The following DGCR2 variants were observed in gnomAD, a reference collection of about 807,000 sequenced individuals.
DGCR2 encodes DiGeorge syndrome critical region gene 2, also known as integral membrane protein DGCR2/IDD.
Under a neutral mutation model 51.6 loss-of-function variants are expected in DGCR2, and 24 were observed. That is an observed-to-expected ratio of 0.47 (90% CI 0.34 to 0.65). The LOEUF (loss-of-function observed/expected upper bound fraction) is 0.65. Ranked by LOEUF, DGCR2 falls within the 30% of genes least tolerant of loss-of-function variation. The pLI, the probability that DGCR2 is intolerant of heterozygous loss-of-function variation, is 0.01. For synonymous variants in DGCR2, 340 were observed against 315.4 expected, an observed-to-expected ratio of 1.08 and a Z score of -0.82; for missense variants, 765 against 772.1, an observed-to-expected ratio of 0.99 and a Z score of 0.11.
In DGCR2 at chr22:19,038,706, G is replaced by A. The variant is rs2082397115; in HGVS notation, c.*159C>T. The A allele has an allele frequency of 2.4e-5, 23 of 944,222 alleles. No individual in the cohort carries two copies. Among genetic ancestry groups the A allele is most frequent in the Non-Finnish European group, 3.5e-5 (22 of 635,930 alleles). The allele number at this position is 944,222 out of a possible 1,614,324, so 58.5% of individuals were successfully genotyped here. A position where few individuals can be genotyped will look rare whatever the true frequency, so the allele number is the denominator to read the frequency against. ...CAGGCCATCACTTCTTTTGGCAGAA[G>A]GCGGGCTGTGGTCTCTATGTACACA... On this transcript the variant is annotated 3_prime_UTR_variant, in exon 10 of 10. Coordinates refer to ENST00000263196, the MANE Select transcript of DGCR2 (RefSeq NM_005137.3).
Position 19,048,525 on chromosome 22 carries a change from C to A in DGCR2, c.921G>T (p.Val307=), listed in dbSNP as rs1284048997. The change falls in exon 7 of 10, where the codon GTG becomes GTT. Residue 307 remains valine, a synonymous_variant. Coordinates refer to ENST00000263196, the MANE Select transcript of DGCR2 (RefSeq NM_005137.3). ...CCTGGGGCCTCTCACAGAGAGCAGC[C>A]ACACACATCTCAGGCTCCCCTCCAT... ...TCHGGEPEMC[V]AALCERPQGC... The A allele has an allele frequency of 6.2e-7, 1 of 1,614,238 alleles. No individual in the cohort carries two copies. Among genetic ancestry groups the A allele is most frequent in the Non-Finnish European group, 8.5e-7 (1 of 1,180,038 alleles).
chr22:19,076,875 G>A (rs924545195), intron 2 of DGCR2, among the ~76,000 whole-genome samples: 2 of 151,464 alleles, frequency 1.3e-5, no homozygotes, highest in African/African-American at 2.4e-5. Flanking sequence ...GAACTAAGGC[G>A]CCCGCCACCA....
Position 19,041,190 on chromosome 22 carries a change from C to T in DGCR2, c.1264G>A (p.Gly422Arg), listed in dbSNP as rs1321216059. The T allele has an allele frequency of 1.9e-6, 3 of 1,613,938 alleles. No individual in the cohort carries two copies. Among genetic ancestry groups the T allele is most frequent in the Non-Finnish European group, 2.5e-6 (3 of 1,179,952 alleles). ...PLHLSDDGEG[G>R]TFHFHDPPPP... ...GGAGGGTCGTGGAAATGGAAAGTCC[C>T]ACCCTCTCCGTCGTCAGAAAGATGC... The change falls in exon 9 of 10, where the codon GGG becomes AGG. Residue 422 changes from glycine (G) to arginine (R), a missense_variant. By Grantham distance (125) the Gly-to-Arg change is moderately radical. Transcript: ENST00000263196.
chr22:19,115,722 C>T (rs555001221), intron 1 of DGCR2, among the ~76,000 whole-genome samples: 1 of 152,316 alleles, frequency 6.6e-6, no homozygotes, highest in East Asian at 1.9e-4. Flanking sequence ...CAGCCCTGTC[C>T]AAAGCACCAT....
chr22:19,046,686 C>A, intron 7 of DGCR2: 1 of 397,400 alleles, frequency 2.5e-6, no homozygotes, highest in Non-Finnish European at 5.2e-6. Flanking sequence ...AGAAGAAGGC[C>A]CTAGGAGAGT....
chr22:19,096,071 C>T (rs1345096284), intron 1 of DGCR2, among the ~76,000 whole-genome samples: 1 of 152,226 alleles, frequency 6.6e-6, no homozygotes, highest in Non-Finnish European at 1.5e-5. Context: ...GGCCTAATGT[C>T]TGTCTTCCTC....
rs751206532 is a variant in DGCR2, at chr22:19,065,034, T to A, written c.362A>T (p.His121Leu). The A allele has an allele frequency of 6.2e-7, 1 of 1,613,940 alleles. No individual in the cohort carries two copies. The change falls in exon 4 of 10, where the codon CAC becomes CTC. Residue 121 changes from histidine to leucine, a missense_variant. Around this residue, in one of 3 missense-constraint regions of DGCR2, gnomAD observed 370 missense variants for 325.5 expected, o/e 1.14. Transcript: ENST00000263196. The stretch of plus-strand genomic sequence containing the variant: ...GTAGCAGCTGGCCGTGCCTTCGTAG[T>A]GGTGCCACCCTGTCGGGCACTTCCC... ...FLGKCPTGWH[H>L]YEGTASCYRV... is the part of the protein sequence containing the mutation.
At chr22:19,082,410 CA>C (rs2082949884) in intron 2 of DGCR2, among the ~76,000 whole-genome samples, 1 of 151,712 alleles carries the variant, frequency 6.6e-6, no homozygotes, top group Non-Finnish European at 1.5e-5. Context: ...CTAGCAAATT[CA>C]GTCATTTTTA....
chr22:19,117,493 G>T (rs182321600), intron 1 of DGCR2, among the ~76,000 whole-genome samples: 3 of 152,340 alleles, frequency 2.0e-5, no homozygotes, highest in African/African-American at 7.2e-5. Flanking sequence ...ACGATGGGGT[G>T]GGGTTAAGTG....
intron 2 of DGCR2, among the ~76,000 whole-genome samples, chr22:19,079,195 G>T (rs559945457): frequency 2.0e-5 from 3 of 152,162 alleles, no homozygotes; most frequent in Non-Finnish European, 4.4e-5. Context: ...TGACAGATAT[G>T]AGCCCAGCCC....
chr22:19,053,575 G>A (rs1178237818), intron 6 of DGCR2, among the ~76,000 whole-genome samples: 1 of 152,106 alleles, frequency 6.6e-6, no homozygotes, highest in Non-Finnish European at 1.5e-5. Flanking sequence ...CACAAGAAAG[G>A]CCTAGTGGAA....
intron 5 of DGCR2, among the ~76,000 whole-genome samples, chr22:19,059,116 T>C (rs938808108): frequency 2.0e-5 from 3 of 151,806 alleles, no homozygotes; most frequent in South Asian, 2.1e-4. Flanking sequence ...TGGGGAGTGG[T>C]AGGTGATGAG....
At chr22:19,108,449 C>T (rs113988296) in intron 1 of DGCR2, among the ~76,000 whole-genome samples, 6 of 151,658 alleles carry the variant, frequency 4.0e-5, no homozygotes, top group Non-Finnish European at 7.4e-5. Context: ...TGGTGAACAC[C>T]TGTGGTCCCA....
chr22:19,060,363 T>C (rs1342052275), intron 5 of DGCR2, among the ~76,000 whole-genome samples: 1 of 152,084 alleles, frequency 6.6e-6, no homozygotes, highest in Non-Finnish European at 1.5e-5. Context: ...CACAAGATTT[T>C]GGGGGAGAAA....
At chr22:19,105,677 A>T (rs2083254171) in intron 1 of DGCR2, among the ~76,000 whole-genome samples, 1 of 144,024 alleles carries the variant, frequency 6.9e-6, no homozygotes, top group Non-Finnish European at 1.5e-5. Flanking sequence ...CTGGCGATGG[A>T]GGAGTGCATC....
At chr22:19,065,089 G>A in intron 3 of DGCR2, 22 bp from the exon 4 acceptor site, 3 of 1,606,788 alleles carry the variant, frequency 1.9e-6, no homozygotes, top group Non-Finnish European at 2.6e-6. Context: ...AAGGGGAGTT[G>A]TCCCCCAAGT....
At chr22:19,046,681 A>T in intron 7 of DGCR2, 1 of 362,548 alleles carries the variant, frequency 2.8e-6, no homozygotes, top group Non-Finnish European at 5.8e-6. Context: ...TTTCCAGAAG[A>T]AGGCCCTAGG....
intron 2 of DGCR2, among the ~76,000 whole-genome samples, chr22:19,070,814 T>C (rs117558618): frequency 0.014 from 2,142 of 152,376 alleles, 42 homozygotes; most frequent in South Asian, 0.06. Context: ...CCCCCACGTT[T>C]ATTCAATGCC....
chr22:19,069,147 G>A (rs976463014), intron 2 of DGCR2, among the ~76,000 whole-genome samples: 15 of 152,228 alleles, frequency 9.9e-5, no homozygotes, highest in Admixed American at 9.2e-4. Context: ...AACAAACTTG[G>A]TCTGCAAGGC....
Sources: allele counts gnomAD v4.1 joint callset (sites outside exome capture counted in the v4.1 genomes callset), GRCh38; gene constraint gnomAD v4.1.1; regional missense constraint gnomAD v4.1.1; transcripts MANE v1.5; gene names NCBI Gene and HGNC (gene_info 2026-07-23, HGNC 2026-07-21).